KATNAL2: variants seen among roughly 807,000 people sequenced by gnomAD.
KATNAL2 encodes the protein katanin catalytic subunit A1 like 2, also known as katanin p60 ATPase-containing subunit A-like 2.
A neutral mutation model predicts 76.3 loss-of-function variants in KATNAL2; 52 were observed. The ratio of observed to expected loss-of-function variants is 0.68; its 90% CI spans 0.55 to 0.86. The LOEUF is 0.86. Among genes scored for constraint, KATNAL2 ranks in the 40% least tolerant of loss-of-function variants. The pLI, the probability that KATNAL2 is intolerant of heterozygous loss-of-function variation, is 0.00. For missense variants in KATNAL2, 660 were observed against 668.9 expected (o/e 0.99, Z 0.15); for synonymous variants, 243 against 244.2 (o/e 1.00, Z 0.05).
intron 3 of KATNAL2, chr18:47,034,131 C>T: frequency 6.2e-7 from 1 of 1,614,232 alleles, no homozygotes; most frequent in South Asian, 1.1e-5. Flanking sequence ...ACAGAGTGGG[C>T]TGCTCGAATT....
intron 3 of KATNAL2, among the ~76,000 whole-genome samples, chr18:47,037,969 GC>G (rs1257757606): frequency 6.6e-6 from 1 of 151,976 alleles, no homozygotes; most frequent in East Asian, 1.9e-4. Context: ...ACAGGAGTGA[GC>G]CACAGTGCCC....
chr18:47,033,579 C>T lies in KATNAL2; in HGVS notation c.52-12878C>T, dbSNP rs779574021. 3 of 1,614,072 alleles carry T rather than the reference C, an allele frequency of 1.9e-6. No homozygotes were observed. In the East Asian group the frequency reaches 6.7e-5, roughly 36 times the overall value. On this transcript the variant is annotated intron_variant, in intron 3 of 17. Coordinates refer to ENST00000683218, the MANE Select transcript of KATNAL2 (RefSeq NM_001387690.1). ...TTCTGCGATACAGCTGATCGGGCCTCCACCCTTCCAGAACAGGTTCAAGAA... is the reference window on the plus strand; with the variant it reads ...TTCTGCGATACAGCTGATCGGGCCTTCACCCTTCCAGAACAGGTTCAAGAA...
chr18:46,947,565 A>AT (rs775255570), intron 3 of KATNAL2, among the ~76,000 whole-genome samples: 2 of 152,068 alleles, frequency 1.3e-5, no homozygotes, highest in Non-Finnish European at 2.9e-5. Context: ...CACTGGGGAG[A>AT]TAAAAACAAC....
At chr18:47,060,799 G>A (rs889773395) in intron 8 of KATNAL2, among the ~76,000 whole-genome samples, 1 of 152,118 alleles carries the variant, frequency 6.6e-6, no homozygotes, top group African/African-American at 2.4e-5. Context: ...TCACTTACAT[G>A]GTAATTGCTG....
chr18:47,070,816 CT>C (rs2061972067), intron 13 of KATNAL2, among the ~76,000 whole-genome samples: 1 of 152,042 alleles, frequency 6.6e-6, no homozygotes, highest in South Asian at 2.1e-4. Flanking sequence ...TATGTAAATT[CT>C]TGTTACCCAT....
chr18:46,950,989 C>T (rs1168801193), intron 3 of KATNAL2, among the ~76,000 whole-genome samples: 1 of 152,046 alleles, frequency 6.6e-6, no homozygotes, highest in Non-Finnish European at 1.5e-5. Flanking sequence ...CGGCGATGTT[C>T]ATACTCCTGA....
intron 3 of KATNAL2, among the ~76,000 whole-genome samples, chr18:47,038,486 G>A (rs1416126610): frequency 6.6e-6 from 1 of 152,134 alleles, no homozygotes; most frequent in Non-Finnish European, 1.5e-5. Context: ...GTGCACACAT[G>A]GAGTATTTCT....
At chr18:47,041,371 C>T (rs1000599333) in intron 3 of KATNAL2, among the ~76,000 whole-genome samples, 4 of 152,146 alleles carry the variant, frequency 2.6e-5, no homozygotes, top group Non-Finnish European at 5.9e-5. Flanking sequence ...CCTTCCTCCC[C>T]GCAACCCCTG....
chr18:46,926,217 C>G (rs1349409840), intron 1 of KATNAL2, among the ~76,000 whole-genome samples: 2 of 151,914 alleles, frequency 1.3e-5, no homozygotes, highest in Non-Finnish European at 2.9e-5. Flanking sequence ...CTCTTGTGGG[C>G]ATTTAGTACT....
At chr18:47,096,540 A>G (rs887134949) in intron 15 of KATNAL2, among the ~76,000 whole-genome samples, 1 of 151,954 alleles carries the variant, frequency 6.6e-6, no homozygotes, top group Non-Finnish European at 1.5e-5. Flanking sequence ...GGGTCTCACT[A>G]TGTTGCCCAG....
At chr18:47,032,754 C>G in intron 3 of KATNAL2, 1 of 632,694 alleles carries the variant, frequency 1.6e-6, no homozygotes, top group Non-Finnish European at 2.6e-6. Context: ...CAGTGAACAT[C>G]CAAAATAGAA....
chr18:47,047,600 T>C (rs1379227501), intron 4 of KATNAL2, among the ~76,000 whole-genome samples: 1 of 152,160 alleles, frequency 6.6e-6, no homozygotes, highest in Admixed American at 6.5e-5. Flanking sequence ...CTGGATGATA[T>C]AAGAGTAAGA....
intron 1 of KATNAL2, among the ~76,000 whole-genome samples, chr18:46,926,224 T>G (rs1221672244): frequency 6.6e-6 from 1 of 152,224 alleles, no homozygotes; most frequent in East Asian, 1.9e-4. Context: ...GGGCATTTAG[T>G]ACTATAAATT....
At chr18:46,932,452 A>C (rs1378279146) in intron 1 of KATNAL2, among the ~76,000 whole-genome samples, 1 of 151,796 alleles carries the variant, frequency 6.6e-6, no homozygotes, top group African/African-American at 2.4e-5. Context: ...AGGCGAGTGG[A>C]TTACCTGAGG....
chr18:46,933,785 T>TC (rs2059006493), intron 1 of KATNAL2, among the ~76,000 whole-genome samples: 2 of 81,800 alleles, frequency 2.4e-5, no homozygotes, highest in Admixed American at 1.5e-4. Flanking sequence ...TGGCTATCCC[T>TC]CCCCCCTCCC....
intron 6 of KATNAL2, among the ~76,000 whole-genome samples, chr18:47,055,393 G>T (rs577861605): frequency 6.6e-6 from 1 of 152,268 alleles, no homozygotes; most frequent in East Asian, 1.9e-4. Context: ...CCCTCAAGAG[G>T]TATGGATTCT....
chr18:46,928,683 A>G (rs1437650227), intron 1 of KATNAL2, among the ~76,000 whole-genome samples: 2 of 151,858 alleles, frequency 1.3e-5, no homozygotes, highest in Non-Finnish European at 2.9e-5. Context: ...AGCTGTTCCT[A>G]TTTGGCCATC....
intron 1 of KATNAL2, among the ~76,000 whole-genome samples, chr18:46,924,097 A>C (rs1031863243): frequency 6.6e-4 from 101 of 152,258 alleles, no homozygotes; most frequent in Admixed American, 1.0e-3. Flanking sequence ...CCATTTGTCA[A>C]TTTTGGCTTT....
At chr18:46,921,407 T>C (rs1329975038) in intron 1 of KATNAL2, among the ~76,000 whole-genome samples, 1 of 152,228 alleles carries the variant, frequency 6.6e-6, no homozygotes, top group African/African-American at 2.4e-5. Flanking sequence ...ATTACAGGCA[T>C]GAGCTACTGC....
Sources: allele counts gnomAD v4.1 joint callset (sites outside exome capture counted in the v4.1 genomes callset), GRCh38; gene constraint gnomAD v4.1.1; transcripts MANE v1.5; gene names NCBI Gene and HGNC (gene_info 2026-07-23, HGNC 2026-07-21).